The following ADGRB3 variants were observed in gnomAD, a reference collection of about 807,000 sequenced individuals.
The protein encoded by ADGRB3 is brain-specific angiogenesis inhibitor 3.
Under a neutral mutation model 193.4 loss-of-function variants are expected in ADGRB3, and 37 were observed. The ratio of observed to expected loss-of-function variants is 0.19; its 90% CI spans 0.15 to 0.25. ADGRB3 has a LOEUF of 0.25. Ranked by LOEUF, ADGRB3 falls within the 10% of genes least tolerant of loss-of-function variation. The probability of loss-of-function intolerance (pLI) is 1.00; values close to 1 mark genes in which losing one functional copy is unlikely to be tolerated. For synonymous variants in ADGRB3, 690 were observed against 644.2 expected (o/e 1.07, Z -1.08); for missense variants, 1,637 against 1,852.9 (o/e 0.88, Z 2.14).
intron 15 of ADGRB3, among the ~76,000 whole-genome samples, chr6:69,060,186 T>TTC (rs74424085): frequency 1.4e-4 from 19 of 131,810 alleles, no homozygotes; most frequent in African/African-American, 4.8e-4. Flanking sequence ...CACATTTTCT[T>TTC]TCTCTCTCTC....
intron 3 of ADGRB3, among the ~76,000 whole-genome samples, chr6:68,775,127 C>T (rs1001112644): frequency 2.4e-5 from 3 of 122,798 alleles, no homozygotes; most frequent in African/African-American, 9.9e-5. Flanking sequence ...ACTTCCATAG[C>T]TCTGACAAGC....
chr6:68,708,255 A>G (rs1765357713), intron 3 of ADGRB3, among the ~76,000 whole-genome samples: 1 of 152,210 alleles, frequency 6.6e-6, no homozygotes, highest in Non-Finnish European at 1.5e-5. Flanking sequence ...AAAGAGAGAT[A>G]TAACCCAAGC....
intron 16 of ADGRB3, among the ~76,000 whole-genome samples, chr6:69,064,028 C>G (rs1771826926): frequency 6.6e-6 from 1 of 151,566 alleles, no homozygotes; most frequent in Non-Finnish European, 1.5e-5. Context: ...ATCCCAAGCC[C>G]ATATAGTTAG....
intron 17 of ADGRB3, among the ~76,000 whole-genome samples, chr6:69,143,726 T>G (rs9446099): frequency 0.64 from 97,164 of 152,024 alleles, 32,283 homozygotes; most frequent in East Asian, 0.95. Flanking sequence ...TCTCTATTCT[T>G]CTCCATTGGT....
intron 20 of ADGRB3, among the ~76,000 whole-genome samples, chr6:69,250,526 A>T (rs543497370): frequency 2.0e-5 from 3 of 152,348 alleles, no homozygotes; most frequent in Admixed American, 1.3e-4. Context: ...AGCTCAAAAC[A>T]TATTTATAAT....
intron 3 of ADGRB3, among the ~76,000 whole-genome samples, chr6:68,739,163 C>T (rs149056048): frequency 1.2e-4 from 19 of 152,104 alleles, no homozygotes; most frequent in African/African-American, 4.6e-4. Context: ...ACCTCTGGTG[C>T]AATTTTAAAA....
At chr6:68,781,089 G>A (rs545294133) in intron 3 of ADGRB3, among the ~76,000 whole-genome samples, 37 of 152,094 alleles carry the variant, frequency 2.4e-4, no homozygotes, top group Non-Finnish European at 4.7e-4. Flanking sequence ...GCATGAATTC[G>A]TGTACAGTTT....
intron 15 of ADGRB3, among the ~76,000 whole-genome samples, chr6:69,053,848 A>T (rs577989929): frequency 6.6e-6 from 1 of 152,336 alleles, no homozygotes; most frequent in Admixed American, 6.5e-5. Flanking sequence ...AATTTATTTT[A>T]AGGAAATAAT....
At chr6:69,245,105 G>C (rs1422274351) in intron 20 of ADGRB3, among the ~76,000 whole-genome samples, 1 of 151,980 alleles carries the variant, frequency 6.6e-6, no homozygotes, top group Non-Finnish European at 1.5e-5. Context: ...AGTTATCCTT[G>C]ATGTCTCCTT....
intron 17 of ADGRB3, among the ~76,000 whole-genome samples, chr6:69,107,464 G>T (rs1279412467): frequency 1.3e-5 from 2 of 152,110 alleles, no homozygotes; most frequent in Non-Finnish European, 2.9e-5. Context: ...AAAGAGTTTT[G>T]CTTTTTATAT....
At chr6:69,374,843 G>A (rs1769780263) in intron 30 of ADGRB3, among the ~76,000 whole-genome samples, 1 of 152,060 alleles carries the variant, frequency 6.6e-6, no homozygotes, top group Non-Finnish European at 1.5e-5. Context: ...TTAACAAAAT[G>A]TTATTGGACA....
intron 17 of ADGRB3, among the ~76,000 whole-genome samples, chr6:69,167,624 G>A (rs568748532): frequency 4.0e-4 from 61 of 152,018 alleles, no homozygotes; most frequent in African/African-American, 1.4e-3. Context: ...TGTCTTTCAG[G>A]GTAAGAGAAT....
At chr6:69,223,571 AG>A (rs1208560159) in intron 17 of ADGRB3, among the ~76,000 whole-genome samples, 4 of 151,918 alleles carry the variant, frequency 2.6e-5, no homozygotes, top group African/African-American at 7.2e-5. Flanking sequence ...TAAAGAAAGG[AG>A]AAAAAGGTGT....
chr6:69,309,586 GAC>G (rs1768138534), intron 20 of ADGRB3, among the ~76,000 whole-genome samples: 2 of 151,644 alleles, frequency 1.3e-5, no homozygotes, highest in Non-Finnish European at 3.0e-5. Flanking sequence ...CTTAGACAAA[GAC>G]AGATATTATT....
intron 20 of ADGRB3, among the ~76,000 whole-genome samples, chr6:69,291,161 A>G (rs1007691945): frequency 1.3e-5 from 2 of 152,108 alleles, no homozygotes; most frequent in African/African-American, 4.8e-5. Context: ...TGAGGAATAA[A>G]AGTGAGGGAT....
chr6:69,120,442 G>A (rs143208864), intron 17 of ADGRB3, among the ~76,000 whole-genome samples: 247 of 152,336 alleles, frequency 1.6e-3, no homozygotes, highest in African/African-American at 5.8e-3. Flanking sequence ...ATAAGGACCA[G>A]GGACTACTTT....
intron 20 of ADGRB3, among the ~76,000 whole-genome samples, chr6:69,272,264 G>A (rs1051335121): frequency 5.9e-5 from 9 of 152,180 alleles, no homozygotes; most frequent in African/African-American, 2.2e-4. Context: ...CAAGGTGCTA[G>A]GGGTTCAGAA....
chr6:68,814,278 G>A (rs1373711484), intron 3 of ADGRB3, among the ~76,000 whole-genome samples: 2 of 152,318 alleles, frequency 1.3e-5, no homozygotes, highest in East Asian at 3.9e-4. Flanking sequence ...ATCTCATTGT[G>A]CTTTTGATTT....
intron 15 of ADGRB3, among the ~76,000 whole-genome samples, chr6:69,055,148 T>C (rs920078642): frequency 2.6e-5 from 4 of 152,216 alleles, no homozygotes; most frequent in East Asian, 3.8e-4. Context: ...ACATTTTTTA[T>C]TGTGTTAAAA....
Sources: allele counts gnomAD v4.1 joint callset (sites outside exome capture counted in the v4.1 genomes callset), GRCh38; gene constraint gnomAD v4.1.1; transcripts MANE v1.5; gene names NCBI Gene and HGNC (gene_info 2026-07-23, HGNC 2026-07-21).